NKAIN3: variants seen among roughly 807,000 people sequenced by gnomAD.
The protein encoded by NKAIN3 is sodium/potassium-transporting ATPase subunit beta-1-interacting protein 3.
In NKAIN3, 25 loss-of-function variants were observed where a neutral mutation model predicts 30.2. The observed-to-expected ratio is 0.83, with a 90% CI of 0.60 to 1.16. The LOEUF (loss-of-function observed/expected upper bound fraction) is 1.16. Ranked by LOEUF, NKAIN3 falls within the 50% of genes most tolerant of loss-of-function variation. NKAIN3 has a pLI of 0.00. For missense variants in NKAIN3, 225 were observed against 254.1 expected (o/e 0.89, Z 0.78); for synonymous variants, 91 against 89.6 (o/e 1.02, Z -0.09).
chr8:62,824,271 G>T (rs1047644552), intron 4 of NKAIN3, among the ~76,000 whole-genome samples: 1 of 152,162 alleles, frequency 6.6e-6, no homozygotes, highest in Non-Finnish European at 1.5e-5. Flanking sequence ...CTGAGAGAAT[G>T]AGTACTTGGT....
At chr8:62,334,518 C>G (rs998063365) in intron 1 of NKAIN3, among the ~76,000 whole-genome samples, 3 of 152,084 alleles carry the variant, frequency 2.0e-5, no homozygotes, top group Non-Finnish European at 4.4e-5. Context: ...TCTGCAAAGA[C>G]CCTTTGTCCA....
intron 3 of NKAIN3, among the ~76,000 whole-genome samples, chr8:62,638,524 C>T (rs957287955): frequency 3.9e-5 from 6 of 152,262 alleles, no homozygotes; most frequent in Admixed American, 1.3e-4. Flanking sequence ...GTGATTGAAA[C>T]GTCTACATGC....
chr8:62,719,195 T>C (rs968282243), intron 3 of NKAIN3, among the ~76,000 whole-genome samples: 6 of 152,166 alleles, frequency 3.9e-5, no homozygotes, highest in African/African-American at 1.4e-4. Flanking sequence ...AAAGCAGGTG[T>C]GCGGTTGACT....
At chr8:62,838,073 C>T (rs924732872) in intron 4 of NKAIN3, among the ~76,000 whole-genome samples, 4 of 151,326 alleles carry the variant, frequency 2.6e-5, no homozygotes, top group Admixed American at 6.6e-5. Context: ...AGTCCTAGGA[C>T]GTAGAAGTGT....
At chr8:62,841,134 G>A (rs1372189194) in intron 4 of NKAIN3, among the ~76,000 whole-genome samples, 1 of 151,942 alleles carries the variant, frequency 6.6e-6, no homozygotes, top group Non-Finnish European at 1.5e-5. Flanking sequence ...ACCCTAGAAT[G>A]CGGAAATTTT....
chr8:62,680,991 T>A (rs1449903991), intron 3 of NKAIN3, among the ~76,000 whole-genome samples: 1 of 152,200 alleles, frequency 6.6e-6, no homozygotes, highest in Non-Finnish European at 1.5e-5. Context: ...CAACTGAACA[T>A]AAACTTTTGT....
intron 4 of NKAIN3, among the ~76,000 whole-genome samples, chr8:62,879,370 T>G (rs568964356): frequency 2.0e-5 from 3 of 152,212 alleles, no homozygotes; most frequent in Non-Finnish European, 4.4e-5. Context: ...TTTGTTTTTT[T>G]CTTATAAATT....
chr8:62,989,344 C>T (rs1585648984), downstream of NKAIN3, among the ~76,000 whole-genome samples: 1 of 152,086 alleles, frequency 6.6e-6, no homozygotes, highest in Non-Finnish European at 1.5e-5. Flanking sequence ...ATAAAAAATA[C>T]CAGGTTTAAT....
intron 4 of NKAIN3, among the ~76,000 whole-genome samples, chr8:62,892,422 T>C (rs1190789595): frequency 6.6e-6 from 1 of 152,196 alleles, no homozygotes; most frequent in African/African-American, 2.4e-5. Context: ...TCTTATTAAC[T>C]GATGTGAGAA....
chr8:62,666,397 A>G (rs1027760393), intron 3 of NKAIN3, among the ~76,000 whole-genome samples: 4 of 152,162 alleles, frequency 2.6e-5, no homozygotes, highest in Non-Finnish European at 5.9e-5. Flanking sequence ...TTTATATCCA[A>G]ATGATATGAT....
intron 1 of NKAIN3, among the ~76,000 whole-genome samples, chr8:62,448,493 TAAA>T (rs1805549847): frequency 6.7e-6 from 1 of 148,910 alleles, no homozygotes; most frequent in Admixed American, 6.7e-5. Flanking sequence ...AAAAAAAAGA[TAAA>T]AAGAAAAATC....
intron 1 of NKAIN3, among the ~76,000 whole-genome samples, chr8:62,576,491 A>T (rs542328887): frequency 1.3e-5 from 2 of 152,018 alleles, no homozygotes; most frequent in African/African-American, 4.8e-5. Context: ...TCTGGACCGA[A>T]TGCTTTCTAT....
intron 1 of NKAIN3, among the ~76,000 whole-genome samples, chr8:62,280,720 A>G (rs950724434): frequency 5.9e-5 from 9 of 152,136 alleles, no homozygotes; most frequent in African/African-American, 2.2e-4. Context: ...TCCCAGGGAT[A>G]AAGCCAACTT....
At chr8:62,474,971 G>T (rs1369222564) in intron 1 of NKAIN3, among the ~76,000 whole-genome samples, 2 of 152,118 alleles carry the variant, frequency 1.3e-5, no homozygotes, top group Non-Finnish European at 2.9e-5. Flanking sequence ...GATAAGTTAA[G>T]CATACATATT....
chr8:62,476,191 A>G (rs1224765073), intron 1 of NKAIN3, among the ~76,000 whole-genome samples: 2 of 152,070 alleles, frequency 1.3e-5, no homozygotes, highest in Non-Finnish European at 2.9e-5. Context: ...AAGTTTTATG[A>G]CCATGGCATA....
At chr8:62,647,963 G>C (rs577522655) in intron 3 of NKAIN3, among the ~76,000 whole-genome samples, 1 of 152,098 alleles carries the variant, frequency 6.6e-6, no homozygotes, top group Non-Finnish European at 1.5e-5. Flanking sequence ...TGCAGGTGGG[G>C]TGGATTTAGA....
chr8:62,394,880 C>T (rs1287981397), intron 1 of NKAIN3, among the ~76,000 whole-genome samples: 2 of 125,894 alleles, frequency 1.6e-5, no homozygotes, highest in African/African-American at 6.2e-5. Flanking sequence ...CCGGGGGAGG[C>T]GCTCATCACT....
At chr8:62,443,756 T>C (rs949019440) in intron 1 of NKAIN3, among the ~76,000 whole-genome samples, 32 of 152,116 alleles carry the variant, frequency 2.1e-4, no homozygotes, top group African/African-American at 7.5e-4. Flanking sequence ...TTATAATTTT[T>C]CTCTTCTCTT....
intron 4 of NKAIN3, among the ~76,000 whole-genome samples, chr8:62,767,339 C>T (rs1336073541): frequency 2.6e-5 from 4 of 152,132 alleles, no homozygotes; most frequent in Admixed American, 2.0e-4. Flanking sequence ...TAAATTCTCA[C>T]CTCCCCTCCA....
Sources: gnomAD v4.1 joint callset for allele counts (sites outside exome capture counted in the v4.1 genomes callset) on GRCh38, gnomAD v4.1.1 for gene constraint, MANE v1.5 for transcripts, NCBI Gene and HGNC (gene_info 2026-07-23, HGNC 2026-07-21) for gene names.